The following MEIS2 variants were observed in gnomAD, a reference collection of about 807,000 sequenced individuals.
MEIS2 encodes Meis homeobox 2, also known as homeobox protein Meis2.
Under a neutral mutation model 58.6 loss-of-function variants are expected in MEIS2, and 9 were observed. The ratio of observed to expected loss-of-function variants is 0.15; its 90% confidence interval spans 0.09 to 0.27. MEIS2 has a LOEUF of 0.27. Ranked by LOEUF, MEIS2 falls within the 10% of genes least tolerant of loss-of-function variation. The probability of loss-of-function intolerance (pLI) is 1.00; values close to 1 mark genes in which losing one functional copy is unlikely to be tolerated. For synonymous variants in MEIS2, 221 were observed against 228.4 expected (o/e 0.97, Z 0.29); for missense variants, 427 against 635.0 (o/e 0.67, Z 3.52).
At chr15:37,059,769 T>A (rs1423823172) in intron 7 of MEIS2, among the ~76,000 whole-genome samples, 1 of 152,038 alleles carries the variant, frequency 6.6e-6, no homozygotes, top group Non-Finnish European at 1.5e-5. Flanking sequence ...AAACTCCATC[T>A]CTACTAAAAA....
intron 9 of MEIS2, among the ~76,000 whole-genome samples, chr15:36,909,687 G>A (rs552447901): frequency 1.1e-4 from 17 of 152,242 alleles, no homozygotes; most frequent in Non-Finnish European, 1.8e-4. Flanking sequence ...CAGGTAAATC[G>A]TGGGTGCAGA....
chr15:37,023,385 G>A (rs749085218), intron 8 of MEIS2, among the ~76,000 whole-genome samples: 2 of 152,132 alleles, frequency 1.3e-5, no homozygotes, highest in South Asian at 2.1e-4. Flanking sequence ...CCAGTGCCAC[G>A]TCATGTAGCT....
At position 36,894,471 on chromosome 15, in the gene MEIS2, T is replaced by C. The variant is rs3684; in HGVS notation, c.1147+680A>G. 9.0e-3 allele frequency: 2,583 copies of C among 287,784 alleles called. 25 individuals carry two copies. Among genetic ancestry groups the C allele is most frequent in the Non-Finnish European group, 0.013 (1,989 of 151,940 alleles). 17.8% of individuals were successfully genotyped at this position (287,784 alleles called of 1,614,324 possible). ...GTGTTTGTGCACATTGGGGCCACAGTAAATAGGCTAAAAGGCAGTCCCACC... is the reference window on the plus strand; with the variant it reads ...GTGTTTGTGCACATTGGGGCCACAGCAAATAGGCTAAAAGGCAGTCCCACC... On this transcript the variant is annotated intron_variant, in intron 11 of 11. Coordinates refer to ENST00000561208, the MANE Select transcript of MEIS2 (RefSeq NM_170675.5).
At chr15:37,055,667 C>G (rs116236115) in intron 7 of MEIS2, among the ~76,000 whole-genome samples, 1 of 152,292 alleles carries the variant, frequency 6.6e-6, no homozygotes, top group African/African-American at 2.4e-5. Context: ...CTTTCTGATG[C>G]CCCTGATTGC....
At position 37,097,976 on chromosome 15, in the gene MEIS2, G is replaced by A. The variant is rs1208597242; in HGVS notation, c.236C>T (p.Ala79Val). 2 of 1,598,400 alleles carry A rather than the reference G, an allele frequency of 1.3e-6. No individual in the cohort carries two copies. Among genetic ancestry groups the A allele is most frequent in the Admixed American group, 3.4e-5 (2 of 59,294 alleles). ...VNDALKRDKD[A>V]IYGHPLFPLL... ...CGGGGGGTCAGTTTACCCATAGATCGCGTCCTTGTCCCGCTTCAAGGCGTC... is the reference window on the plus strand; with the variant it reads ...CGGGGGGTCAGTTTACCCATAGATCACGTCCTTGTCCCGCTTCAAGGCGTC... The change falls in exon 2 of 12, where the codon GCG (alanine) becomes GTG (valine). Residue 79 changes from alanine to valine, a missense_variant. This residue lies in a region of MEIS2 where 138 missense variants were observed against 263.0 expected (regional missense o/e 0.52). Transcript: ENST00000561208.
intron 7 of MEIS2, among the ~76,000 whole-genome samples, chr15:37,045,415 C>T (rs2062621393): frequency 6.6e-6 from 1 of 151,834 alleles, no homozygotes; most frequent in Non-Finnish European, 1.5e-5. Context: ...TCAGGGACTA[C>T]CTTCCAGGAG....
chr15:36,955,608 G>A (rs1183496476), intron 8 of MEIS2, among the ~76,000 whole-genome samples: 1 of 152,148 alleles, frequency 6.6e-6, no homozygotes, highest in Non-Finnish European at 1.5e-5. Context: ...AACAAGGTTT[G>A]TGATGCTTAA....
At position 36,985,744 on chromosome 15, in the gene MEIS2, T is replaced by A. The variant is rs142119756; in HGVS notation, c.901-35344A>T. Among the ~76,000 whole-genome samples, 1,149 of 152,272 alleles carry A rather than the reference T, an allele frequency of 7.5e-3. 17 individuals carry two copies. The highest frequency in any genetic ancestry group is 0.026 in the African/African-American group (1,090 of 41,544). ...TCTGTTTGTTATAGAAAGGTCACAG[T>A]TGAAGTGTCGGGAAAATGATAATCT... On this transcript the variant is annotated intron_variant, in intron 8 of 11. Transcript: ENST00000561208.
chr15:36,987,265 A>C (rs111502214), intron 8 of MEIS2, among the ~76,000 whole-genome samples: 13 of 152,192 alleles, frequency 8.5e-5, no homozygotes, highest in African/African-American at 3.1e-4. Flanking sequence ...AAAATTAGCC[A>C]GGCTTGGTGG....
At chr15:36,935,448 G>C (rs925070151) in intron 9 of MEIS2, among the ~76,000 whole-genome samples, 4 of 151,610 alleles carry the variant, frequency 2.6e-5, no homozygotes, top group African/African-American at 9.7e-5. Context: ...AATAAAATTT[G>C]TTTAAAACAT....
chr15:36,896,746 T>C, intron 9 of MEIS2, 60 bp from the exon 10 acceptor site: 3 of 1,324,274 alleles, frequency 2.3e-6, no homozygotes, highest in Non-Finnish European at 2.2e-6. Flanking sequence ...GCGAACACCT[T>C]TGCATGAATG....
chr15:36,989,570 C>T (rs930463541), intron 8 of MEIS2, among the ~76,000 whole-genome samples: 3 of 152,156 alleles, frequency 2.0e-5, no homozygotes. Flanking sequence ...CCCAAGGTTC[C>T]TTTACTTCTC....
intron 1 of MEIS2, 82 bp from the exon 2 acceptor site, chr15:37,098,281 G>C: frequency 4.1e-6 from 6 of 1,450,280 alleles, no homozygotes; most frequent in Non-Finnish European, 5.5e-6. Context: ...AAAGAGCAGG[G>C]AGAAGAGGGC....
At chr15:36,940,063 C>T (rs1310828258) in intron 9 of MEIS2, among the ~76,000 whole-genome samples, 1 of 152,128 alleles carries the variant, frequency 6.6e-6, no homozygotes, top group South Asian at 2.1e-4. Flanking sequence ...AAATGTTACC[C>T]TAAGTAGGAG....
intron 8 of MEIS2, among the ~76,000 whole-genome samples, chr15:36,994,394 T>C (rs910775450): frequency 1.3e-5 from 2 of 152,182 alleles, no homozygotes; most frequent in Middle Eastern, 3.2e-3. Context: ...CCAATATAAT[T>C]GGTCGGATAG....
intron 8 of MEIS2, among the ~76,000 whole-genome samples, chr15:36,952,607 C>CTCTGTG (rs1490440825): frequency 0.01 from 1,434 of 140,002 alleles, 18 homozygotes; most frequent in Middle Eastern, 0.03. Context: ...GTCTCTCTCT[C>CTCTGTG]TGTGTGTGTG....
chr15:37,025,222 A>G (rs1378460194), intron 8 of MEIS2, among the ~76,000 whole-genome samples: 1 of 152,208 alleles, frequency 6.6e-6, no homozygotes, highest in Non-Finnish European at 1.5e-5. Flanking sequence ...AATAGACACC[A>G]GTTTACACTT....
intron 9 of MEIS2, among the ~76,000 whole-genome samples, chr15:36,943,040 G>A (rs2058429920): frequency 6.6e-6 from 1 of 151,966 alleles, no homozygotes; most frequent in African/African-American, 2.4e-5. Flanking sequence ...TTAAAAAAAT[G>A]TTTTTTTAAA....
At chr15:36,973,463 G>A (rs2059635640) in intron 8 of MEIS2, among the ~76,000 whole-genome samples, 1 of 152,184 alleles carries the variant, frequency 6.6e-6, no homozygotes, top group Admixed American at 6.6e-5. Context: ...GCTTAGATCT[G>A]CATTCTTCTA....
Sources: gnomAD v4.1 joint callset for allele counts (sites outside exome capture counted in the v4.1 genomes callset) on GRCh38, gnomAD v4.1.1 for gene constraint, gnomAD v4.1.1 regional missense constraint, MANE v1.5 for transcripts, NCBI Gene and HGNC (gene_info 2026-07-23, HGNC 2026-07-21) for gene names.